The following FYB2 variants were observed in gnomAD, a reference collection of about 807,000 sequenced individuals.
The protein encoded by FYB2 is FYN-binding protein 2.
In FYB2, 103 loss-of-function variants were observed where a neutral mutation model predicts 94.1. The ratio of observed to expected loss-of-function variants is 1.09; its 90% CI spans 0.93 to 1.29. The LOEUF (loss-of-function observed/expected upper bound fraction) is 1.29, where lower values mean the gene tolerates loss of function less well. Ranked by LOEUF, FYB2 falls within the 50% of genes most tolerant of loss-of-function variation. The pLI, the probability that FYB2 is intolerant of heterozygous loss-of-function variation, is 0.00. For synonymous variants in FYB2, 293 were observed against 287.9 expected (o/e 1.02, Z -0.18); for missense variants, 896 against 841.5 (o/e 1.06, Z -0.80).
intron 1 of FYB2, among the ~76,000 whole-genome samples, chr1:56,793,636 C>G (rs1158407344): frequency 6.6e-6 from 1 of 150,830 alleles, no homozygotes; most frequent in Non-Finnish European, 1.5e-5. Context: ...ACTATGTTCA[C>G]TACCTAGGTG....
chr1:56,724,427 A>G (rs542951825), intron 16 of FYB2, among the ~76,000 whole-genome samples: 6 of 152,158 alleles, frequency 3.9e-5, no homozygotes, highest in African/African-American at 1.4e-4. Flanking sequence ...AAAAAAGTCA[A>G]CCAAGTCCTG....
intron 4 of FYB2, among the ~76,000 whole-genome samples, chr1:56,773,390 TCACA>T (rs1434773227): frequency 6.6e-5 from 10 of 152,190 alleles, no homozygotes; most frequent in African/African-American, 2.4e-4. Context: ...AGATTATTAA[TCACA>T]TTAATAGCTA....
At chr1:56,807,291 TGTAA>T (rs1646669711) in intron 1 of FYB2, among the ~76,000 whole-genome samples, 4 of 152,352 alleles carry the variant, frequency 2.6e-5, no homozygotes, top group African/African-American at 7.2e-5. Context: ...ACAGCTATGA[TGTAA>T]ACTCCTCAGC....
chr1:56,751,481 A>G (rs12141330), intron 8 of FYB2, among the ~76,000 whole-genome samples: 15,405 of 152,072 alleles, frequency 0.1, 1,048 homozygotes, highest in South Asian at 0.2. Flanking sequence ...TTTATATTCC[A>G]TATAACTTAA....
chr1:56,733,668 T>G, intron 15 of FYB2, among the ~76,000 whole-genome samples: 1 of 151,930 alleles, frequency 6.6e-6, no homozygotes, highest in Non-Finnish European at 1.5e-5. Flanking sequence ...ACATCTTTAT[T>G]TACCCAGTAA....
chr1:56,788,785 C>A (rs896568769), intron 3 of FYB2, 188 bp downstream of exon 3: 1 of 733,318 alleles, frequency 1.4e-6, no homozygotes, highest in Admixed American at 2.4e-5. Context: ...GGTCTAGGAG[C>A]GATAAAGGGC....
chr1:56,756,230 T>C (rs1157567482), intron 6 of FYB2, among the ~76,000 whole-genome samples: 2 of 152,210 alleles, frequency 1.3e-5, no homozygotes, highest in African/African-American at 4.8e-5. Flanking sequence ...AAATAACTTC[T>C]AAATCCTATG....
chr1:56,757,683 CTTCCTTCT>C (rs1221003558), intron 6 of FYB2, among the ~76,000 whole-genome samples: 3 of 48,224 alleles, frequency 6.2e-5, no homozygotes, highest in African/African-American at 1.1e-4. Flanking sequence ...TCTTTCCTTC[CTTCCTTCT>C]TTCTTTCTTT....
chr1:56,773,795 G>T (rs1432037847), intron 4 of FYB2, among the ~76,000 whole-genome samples: 1 of 152,072 alleles, frequency 6.6e-6, no homozygotes, highest in African/African-American at 2.4e-5. Flanking sequence ...ATTTCAATGG[G>T]CCATGCATTT....
chr1:56,790,543 A>C (rs917506620), intron 2 of FYB2, among the ~76,000 whole-genome samples: 1 of 152,122 alleles, frequency 6.6e-6, no homozygotes, highest in African/African-American at 2.4e-5. Context: ...TTCTTCCCAT[A>C]CATCTTTCTT....
chr1:56,755,351 G>A (rs1645301726), intron 7 of FYB2, among the ~76,000 whole-genome samples: 1 of 152,100 alleles, frequency 6.6e-6, no homozygotes. Flanking sequence ...TGGTACCACA[G>A]GCAAGGGATT....
intron 1 of FYB2, among the ~76,000 whole-genome samples, chr1:56,806,911 C>G (rs1206009218): frequency 6.6e-6 from 1 of 152,194 alleles, no homozygotes; most frequent in Non-Finnish European, 1.5e-5. Context: ...TCAAGTTTAA[C>G]TTAGTTGGCA....
intron 1 of FYB2, among the ~76,000 whole-genome samples, chr1:56,812,366 T>C (rs1284308309): frequency 2.6e-5 from 4 of 152,148 alleles, no homozygotes; most frequent in Non-Finnish European, 5.9e-5. Flanking sequence ...AACTAACGGT[T>C]AGGAATGGGG....
chr1:56,763,547 C>A (rs1397525829), intron 5 of FYB2, among the ~76,000 whole-genome samples: 1 of 152,054 alleles, frequency 6.6e-6, no homozygotes, highest in Non-Finnish European at 1.5e-5. Context: ...GAGAGTTGTT[C>A]ATAATATTCC....
intron 4 of FYB2, among the ~76,000 whole-genome samples, chr1:56,785,442 C>G (rs1010860304): frequency 6.6e-6 from 1 of 152,222 alleles, no homozygotes; most frequent in Non-Finnish European, 1.5e-5. Context: ...TATTCTCTCT[C>G]TTTCACATAA....
chr1:56,789,715 T>C (rs1357759188), intron 2 of FYB2, among the ~76,000 whole-genome samples: 1 of 152,160 alleles, frequency 6.6e-6, no homozygotes, highest in Non-Finnish European at 1.5e-5. Flanking sequence ...CATGGCACAT[T>C]GGAGGCACTG....
At chr1:56,762,035 A>T (rs1645507689) in intron 5 of FYB2, 2 of 152,178 alleles carry the variant, frequency 1.3e-5, no homozygotes, top group Non-Finnish European at 2.9e-5. Context: ...TAACAACAAC[A>T]GTTGGGCATA....
chr1:56,737,100 CA>C lies in FYB2; in HGVS notation c.1779del (p.Ser593ArgfsTer11). On this transcript the variant is annotated frameshift_variant, in exon 15 of 20. Coordinates refer to ENST00000343433, the MANE Select transcript of FYB2 (RefSeq NM_001004303.5). LOFTEE classifies it high-confidence loss of function. ...TAAATTACTTACTTTGACTCTTTTT[CA>C]CTCAGGTCTACATCATCATAAATAA... ...EVIIYDDVDL[S>X]EKESKDEDKL... The C allele has an allele frequency of 6.2e-7, 1 of 1,605,516 alleles. No individual in the cohort carries two copies. Among genetic ancestry groups the C allele is most frequent in the Non-Finnish European group, 8.5e-7 (1 of 1,174,554 alleles).
chr1:56,823,953 C>T (rs911004130), upstream of FYB2: 2 of 152,216 alleles, frequency 1.3e-5, no homozygotes, highest in Non-Finnish European at 2.9e-5. Context: ...CAATCACTCC[C>T]ATGTTCCATC....
Sources: allele counts gnomAD v4.1 joint callset (sites outside exome capture counted in the v4.1 genomes callset), GRCh38; gene constraint gnomAD v4.1.1; transcripts MANE v1.5; gene names NCBI Gene and HGNC (gene_info 2026-07-23, HGNC 2026-07-21).